The following SNAP23 variants were observed in gnomAD, a reference collection of about 807,000 sequenced individuals.
SNAP23 encodes the protein synaptosome associated protein 23.
SNAP23 carries 11 observed loss-of-function variants against 29.0 expected under a neutral mutation model. That is an observed-to-expected ratio of 0.38 (90% CI 0.24 to 0.63). The LOEUF (loss-of-function observed/expected upper bound fraction) is 0.63. Among genes scored for constraint, SNAP23 ranks in the 20% least tolerant of loss-of-function variants. SNAP23 has a pLI of 0.58. For synonymous variants in SNAP23, 60 were observed against 82.9 expected, an observed-to-expected ratio of 0.72 and a Z score of 1.50; for missense variants, 220 against 253.9, an observed-to-expected ratio of 0.87 and a Z score of 0.91.
At chr15:42,521,737 T>A (rs1043619383) in intron 5 of SNAP23, 23 of 699,270 alleles carry the variant, frequency 3.3e-5, no homozygotes, top group Non-Finnish European at 5.7e-5. Context: ...TTTCTGTGCA[T>A]GTGCATGGAT....
At chr15:42,492,333 T>A (rs575272356), upstream of SNAP23, among the ~76,000 whole-genome samples, 1 of 152,162 alleles carries the variant, frequency 6.6e-6, no homozygotes, top group Non-Finnish European at 1.5e-5. Flanking sequence ...GTCCCTCCTA[T>A]ATTATTGAGA....
Position 42,515,221 on chromosome 15 carries a change from CACAACTTATTCTTAGA to C in SNAP23, c.149-9_155del. On this transcript the variant is annotated splice_acceptor_variant and splice_polypyrimidine_tract_variant and coding_sequence_variant and intron_variant, in exon 5 of 8. Transcript: ENST00000249647. LOFTEE classifies it high-confidence loss of function. ...TGAATGGAACACAAAGTGTTAACTT[CACAACTTATTCTTAGA>C]ACAACTAAACCGCATAGAAGAAGGC... 1 of 1,513,622 alleles carries C rather than the reference CACAACTTATTCTTAGA, an allele frequency of 6.6e-7. No homozygotes were observed. Among genetic ancestry groups the C allele is most frequent in the East Asian group, 2.3e-5 (1 of 43,924 alleles). 93.8% of individuals were successfully genotyped at this position (1,513,622 alleles called of 1,614,324 possible). A position where few individuals can be genotyped will look rare whatever the true frequency, so the allele number is the denominator to read the frequency against.
In SNAP23 at chr15:42,512,339, G is replaced by A. The variant is rs80261857; in HGVS notation, c.57+436G>A. On this transcript the variant is annotated intron_variant, in intron 2 of 7. Transcript: ENST00000249647. The stretch of plus-strand genomic sequence containing the variant: ...CCTTACACATTTTCTCTTAAGGAGC[G>A]CCTGAAAATAACTAAAAATGTAGTG... 8.4e-3 allele frequency: 1,260 copies of A among 150,648 alleles called. 38 individuals carry two copies. The East Asian group carries it at 0.091, about 11-fold the overall frequency. 9.3% of individuals were successfully genotyped at this position (150,648 alleles called of 1,614,324 possible). A position where few individuals can be genotyped will look rare whatever the true frequency, so the allele number is the denominator to read the frequency against.
At chr15:42,497,494 C>T (rs2057231280) in intron 1 of SNAP23, among the ~76,000 whole-genome samples, 1 of 152,154 alleles carries the variant, frequency 6.6e-6, no homozygotes, top group Admixed American at 6.5e-5. Flanking sequence ...CAGGCGTGAG[C>T]CACCGCGCCT....
At chr15:42,492,675 T>TCA (rs2057180379), upstream of SNAP23, 1 of 18,612 alleles carries the variant, frequency 5.4e-5, no homozygotes, top group Non-Finnish European at 7.8e-5. Context: ...AGACTGCGTC[T>TCA]CAAAAAAAAA....
chr15:42,498,190 C>G (rs1376904152), intron 1 of SNAP23, among the ~76,000 whole-genome samples: 1 of 152,214 alleles, frequency 6.6e-6, no homozygotes, highest in African/African-American at 2.4e-5. Flanking sequence ...CTCACAGCTC[C>G]ACTAGGCAGT....
intron 1 of SNAP23, chr15:42,505,558 T>A (rs1373361918): frequency 1.0e-5 from 1 of 96,952 alleles, no homozygotes; most frequent in Non-Finnish European, 1.9e-5. Context: ...TCTGCTTGCA[T>A]TTTTTTTTTT....
rs576716718 is a variant in SNAP23, at chr15:42,501,040, T to G, written c.-15+5327T>G. 4.6e-5 allele frequency among the ~76,000 whole-genome samples: 7 copies of G among 152,344 alleles called. No individual in the cohort carries two copies. In the South Asian group the frequency reaches 1.5e-3, roughly 32 times the overall value. ...AATTGAAATTACTTTCGATGGCCTT[T>G]CAATACTTATAAAACTCAAGCCAGG... On this transcript the variant is annotated intron_variant, in intron 1 of 7. Coordinates refer to ENST00000249647, the MANE Select transcript of SNAP23 (RefSeq NM_003825.4).
At chr15:42,522,951 T>C (rs1261754322) in intron 5 of SNAP23, among the ~76,000 whole-genome samples, 4 of 150,118 alleles carry the variant, frequency 2.7e-5, no homozygotes, top group African/African-American at 2.5e-5. Flanking sequence ...TTCAAGCGAT[T>C]CTCCTGCCTC....
intron 5 of SNAP23, among the ~76,000 whole-genome samples, chr15:42,524,460 C>G (rs1187211258): frequency 1.3e-5 from 2 of 152,172 alleles, no homozygotes; most frequent in Non-Finnish European, 2.9e-5. Flanking sequence ...TGCCTGAGCT[C>G]TGCCTCCTCT....
intron 4 of SNAP23, among the ~76,000 whole-genome samples, chr15:42,514,139 T>G (rs1262544915): frequency 1.3e-5 from 2 of 151,496 alleles, no homozygotes; most frequent in Non-Finnish European, 2.9e-5. Context: ...GTTTTGTTTT[T>G]TTAATTTTTA....
At chr15:42,529,639 A>G (rs2057542429) in intron 6 of SNAP23, 36 bp from the exon 7 acceptor site, 4 of 1,598,112 alleles carry the variant, frequency 2.5e-6, no homozygotes, top group African/African-American at 1.4e-5. Flanking sequence ...TTTAAATTCA[A>G]CAAAACCTAT....
intron 5 of SNAP23, among the ~76,000 whole-genome samples, chr15:42,522,716 TA>T (rs10553237): frequency 0.27 from 27,927 of 104,832 alleles, 2,818 homozygotes; most frequent in Non-Finnish European, 0.34. Flanking sequence ...CAACCAAAAC[TA>T]AAAAAAAAAA....
At chr15:42,513,493 A>G (rs772158614) in intron 4 of SNAP23, 46 bp downstream of exon 4, 1 of 1,484,264 alleles carries the variant, frequency 6.7e-7, no homozygotes, top group Admixed American at 1.7e-5. Context: ...CTGTGATGCC[A>G]AAAAGCCCTA....
At chr15:42,504,869 A>C (rs546737233) in intron 1 of SNAP23, among the ~76,000 whole-genome samples, 3 of 152,208 alleles carry the variant, frequency 2.0e-5, no homozygotes, top group Non-Finnish European at 4.4e-5. Context: ...ATTGGTTACC[A>C]TGGACGTAGA....
intron 5 of SNAP23, among the ~76,000 whole-genome samples, chr15:42,522,948 G>A (rs910187929): frequency 1.4e-5 from 2 of 145,810 alleles, no homozygotes; most frequent in Non-Finnish European, 3.0e-5. Context: ...AGGTTCAAGC[G>A]ATTCTCCTGC....
intron 5 of SNAP23, 57 bp downstream of exon 5, chr15:42,515,411 C>A: frequency 9.8e-7 from 1 of 1,016,492 alleles, no homozygotes; most frequent in South Asian, 1.4e-5. Flanking sequence ...CCCACCTTCT[C>A]CCACCAGCTA....
chr15:42,506,070 C>G (rs1320666175), intron 1 of SNAP23, among the ~76,000 whole-genome samples: 2 of 150,958 alleles, frequency 1.3e-5, no homozygotes, highest in African/African-American at 2.4e-5. Flanking sequence ...CTCAGCCTCC[C>G]GAGTAGCTGG....
intron 4 of SNAP23, among the ~76,000 whole-genome samples, chr15:42,514,326 G>T (rs1024524062): frequency 6.6e-6 from 1 of 151,766 alleles, no homozygotes; most frequent in East Asian, 1.9e-4. Flanking sequence ...GTTTTTAGTA[G>T]AGATAGGGTT....
Sources: gnomAD v4.1 joint callset for allele counts (sites outside exome capture counted in the v4.1 genomes callset) on GRCh38, gnomAD v4.1.1 for gene constraint, MANE v1.5 for transcripts, NCBI Gene and HGNC (gene_info 2026-07-23, HGNC 2026-07-21) for gene names.